Variants in ADK observed in about 807,000 individuals in gnomAD.
ADK encodes the protein adenosine kinase, also known as N6,N6-dimethyladenosine kinase.
A neutral mutation model predicts 44.7 loss-of-function variants in ADK; 24 were observed. The ratio of observed to expected loss-of-function variants is 0.54; its 90% CI spans 0.39 to 0.76. The LOEUF is 0.76. Among genes scored for constraint, ADK ranks in the 30% least tolerant of loss-of-function variants. ADK has a pLI of 0.00. For missense variants in ADK, 321 were observed against 425.1 expected (o/e 0.76, Z 2.15); for synonymous variants, 128 against 142.6 (o/e 0.90, Z 0.73).
chr10:74,515,324 C>T (rs1442167785), intron 6 of ADK, among the ~76,000 whole-genome samples: 3 of 152,072 alleles, frequency 2.0e-5, no homozygotes, highest in Non-Finnish European at 4.4e-5. Flanking sequence ...CAGGGGTGGG[C>T]TCACTAGACT....
chr10:74,507,358 A>G (rs1442905100), intron 6 of ADK, among the ~76,000 whole-genome samples: 7 of 152,146 alleles, frequency 4.6e-5, no homozygotes, highest in African/African-American at 1.7e-4. Context: ...CACACTTGTA[A>G]TCCCAGCATT....
chr10:74,655,718 C>A, intron 9 of ADK: 2 of 485,202 alleles, frequency 4.1e-6, no homozygotes, highest in East Asian at 5.3e-5. Flanking sequence ...AGCTGAGCCT[C>A]ACCAAGGAGG....
At chr10:74,678,384 C>A (rs1589362881) in intron 10 of ADK, among the ~76,000 whole-genome samples, 1 of 152,236 alleles carries the variant, frequency 6.6e-6, no homozygotes, top group East Asian at 1.9e-4. Context: ...ATTATCCTCT[C>A]CAGCCATGAT....
At chr10:74,530,894 C>T (rs994796190) in intron 7 of ADK, among the ~76,000 whole-genome samples, 1 of 152,118 alleles carries the variant, frequency 6.6e-6, no homozygotes, top group African/African-American at 2.4e-5. Context: ...CACTGCACTC[C>T]AGCCAGTGTG....
intron 1 of ADK, among the ~76,000 whole-genome samples, chr10:74,179,704 C>T (rs868426228): frequency 2.6e-5 from 4 of 152,170 alleles, no homozygotes; most frequent in African/African-American, 9.7e-5. Flanking sequence ...CTGGAAAACT[C>T]ATGATTAATC....
chr10:74,225,257 A>T (rs1591889593), intron 3 of ADK, among the ~76,000 whole-genome samples: 1 of 151,760 alleles, frequency 6.6e-6, no homozygotes, highest in Admixed American at 6.6e-5. Context: ...TTTGTATTTT[A>T]AGTAGAGATG....
intron 1 of ADK, among the ~76,000 whole-genome samples, chr10:74,158,327 T>A (rs1246561922): frequency 6.6e-6 from 1 of 152,224 alleles, no homozygotes; most frequent in African/African-American, 2.4e-5. Flanking sequence ...AATGGACCTC[T>A]GGGATACCAA....
intron 6 of ADK, among the ~76,000 whole-genome samples, chr10:74,424,535 C>CAAAAAAAAAAAAAAAAAAAAAAAAAAAAA (rs57106986): frequency 1.7e-5 from 1 of 58,460 alleles, no homozygotes; most frequent in African/African-American, 7.3e-5. Context: ...AACTCCGTCT[C>CAAAAAAAAAAAAAAAAAAAAAAAAAAAAA]AAAAAAAAAA....
At chr10:74,563,265 T>C (rs1013513706) in intron 7 of ADK, among the ~76,000 whole-genome samples, 16 of 152,188 alleles carry the variant, frequency 1.1e-4, no homozygotes, top group Non-Finnish European at 2.9e-5. Context: ...CTTTCACCTG[T>C]CCCCTCAAAC....
intron 9 of ADK, among the ~76,000 whole-genome samples, chr10:74,662,621 T>G (rs574390182): frequency 6.6e-6 from 1 of 152,274 alleles, no homozygotes; most frequent in African/African-American, 2.4e-5. Context: ...ACTCCCTTAT[T>G]TAAAACTTTC....
chr10:74,274,388 C>G lies in ADK; in HGVS notation c.195-40279C>G, dbSNP rs1050943276. On this transcript the variant is annotated intron_variant, in intron 3 of 10. Coordinates refer to ENST00000539909, the MANE Select transcript of ADK (RefSeq NM_006721.4). ...GCCAGCCTGGCCAACATGGTAAAAC[C>G]CTGTCTCTACTAAAAATACAAAAAT... Among the ~76,000 whole-genome samples the G allele has an allele frequency of 9.9e-5, 15 of 152,024 alleles. No individual in the cohort carries two copies. The East Asian group carries it at 2.5e-3, about 26-fold the overall frequency.
rs542591878 is a variant in ADK, at chr10:74,457,570, A to G, written c.555+58991A>G. Reference sequence around the variant, plus strand: ...TGGTGCTATGAAGACACATGCACACATGTTTATTACAGCACTGTTCACAAT... The same window carrying G: ...TGGTGCTATGAAGACACATGCACACGTGTTTATTACAGCACTGTTCACAAT... On this transcript the variant is annotated intron_variant, in intron 6 of 10. Coordinates refer to ENST00000539909, the MANE Select transcript of ADK (RefSeq NM_006721.4). Among the ~76,000 whole-genome samples the G allele has an allele frequency of 2.0e-5, 3 of 152,346 alleles. No individual in the cohort carries two copies. In the East Asian group the frequency reaches 5.8e-4, roughly 29 times the overall value.
chr10:74,259,990 G>C (rs910511722), intron 3 of ADK, among the ~76,000 whole-genome samples: 1 of 151,914 alleles, frequency 6.6e-6, no homozygotes, highest in South Asian at 2.1e-4. Context: ...ACCCTTTTGA[G>C]AGAGTTTTAG....
At chr10:74,506,942 C>T (rs907532599) in intron 6 of ADK, among the ~76,000 whole-genome samples, 1 of 152,096 alleles carries the variant, frequency 6.6e-6, no homozygotes, top group Non-Finnish European at 1.5e-5. Flanking sequence ...TTCTGATATA[C>T]TTCTTGAAAA....
intron 9 of ADK, chr10:74,641,662 A>G (rs1346119223): frequency 2.0e-5 from 3 of 152,254 alleles, no homozygotes; most frequent in Non-Finnish European, 4.4e-5. Flanking sequence ...AAGGATCAGC[A>G]CAGTGGTACT....
At chr10:74,467,894 G>C (rs1846419746) in intron 6 of ADK, among the ~76,000 whole-genome samples, 2 of 152,090 alleles carry the variant, frequency 1.3e-5, no homozygotes, top group Admixed American at 1.3e-4. Context: ...TATGAAACTA[G>C]GTAGAGGTCA....
chr10:74,414,076 G>T (rs545625470), intron 6 of ADK, among the ~76,000 whole-genome samples: 6 of 152,022 alleles, frequency 3.9e-5, no homozygotes, highest in Non-Finnish European at 7.4e-5. Context: ...ATAGATCAGT[G>T]ATCACTATAA....
At chr10:74,574,865 A>G (rs1851129616) in intron 7 of ADK, among the ~76,000 whole-genome samples, 1 of 152,236 alleles carries the variant, frequency 6.6e-6, no homozygotes. Flanking sequence ...CAAAGATTCT[A>G]CTACTAGAAT....
chr10:74,471,075 C>CTTTTTTTTTTTTTTTT (rs111981819), intron 6 of ADK, among the ~76,000 whole-genome samples: 1 of 144,592 alleles, frequency 6.9e-6, no homozygotes, highest in Non-Finnish European at 1.5e-5. Context: ...TATACTTTTT[C>CTTTTTTTTTTTTTTTT]TTTTTTTTTT....
Sources: gnomAD v4.1 joint callset for allele counts (sites outside exome capture counted in the v4.1 genomes callset) on GRCh38, gnomAD v4.1.1 for gene constraint, MANE v1.5 for transcripts, NCBI Gene and HGNC (gene_info 2026-07-23, HGNC 2026-07-21) for gene names.